KCTD16: variants seen among roughly 807,000 people sequenced by gnomAD.
KCTD16 encodes the protein potassium channel tetramerization domain containing 16, also known as BTB/POZ domain-containing protein KCTD16.
A neutral mutation model predicts 33.2 loss-of-function variants in KCTD16; 13 were observed. The observed-to-expected ratio is 0.39, with a 90% CI of 0.25 to 0.62. The LOEUF is 0.62. Among genes scored for constraint, KCTD16 ranks in the 20% least tolerant of loss-of-function variants. The pLI, the probability that KCTD16 is intolerant of heterozygous loss-of-function variation, is 0.50. For missense variants in KCTD16, 441 were observed against 525.1 expected, an observed-to-expected ratio of 0.84 and a Z score of 1.57; for synonymous variants, 197 against 195.3, an observed-to-expected ratio of 1.01 and a Z score of -0.07.
intron 1 of KCTD16, among the ~76,000 whole-genome samples, chr5:144,173,901 A>ATTT (rs58804094): frequency 0.012 from 1,691 of 140,828 alleles, 46 homozygotes; most frequent in East Asian, 0.083. Flanking sequence ...TTCTTTTTGG[A>ATTT]TTTTTTTTTT....
At chr5:144,297,325 A>G (rs1756066990) in intron 3 of KCTD16, among the ~76,000 whole-genome samples, 1 of 152,248 alleles carries the variant, frequency 6.6e-6, no homozygotes, top group Admixed American at 6.5e-5. Context: ...AATACAGCCA[A>G]AACAGCTTTA....
chr5:144,266,288 G>A (rs1755140006), intron 3 of KCTD16, among the ~76,000 whole-genome samples: 1 of 152,130 alleles, frequency 6.6e-6, no homozygotes, highest in Admixed American at 6.5e-5. Context: ...AAAAAACTGA[G>A]AGAGACACCT....
intron 3 of KCTD16, among the ~76,000 whole-genome samples, chr5:144,337,920 T>A (rs1752531578): frequency 6.6e-6 from 1 of 152,152 alleles, no homozygotes; most frequent in Non-Finnish European, 1.5e-5. Context: ...AATGATAATA[T>A]CCACCCTTTA....
chr5:144,401,008 A>G (rs1752690773), intron 3 of KCTD16, among the ~76,000 whole-genome samples: 1 of 152,122 alleles, frequency 6.6e-6, no homozygotes. Flanking sequence ...GTAGCGGGCC[A>G]AAGTTTGGAA....
At position 144,415,590 on chromosome 5, in the gene KCTD16, A is replaced by G. The variant is rs1478621781; in HGVS notation, c.833-58070A>G. Among the ~76,000 whole-genome samples, 7 of 152,294 alleles carry G rather than the reference A, an allele frequency of 4.6e-5. No homozygotes were observed. In the East Asian group the frequency reaches 9.6e-4, roughly 21 times the overall value. On this transcript the variant is annotated intron_variant, in intron 3 of 3. Transcript: ENST00000512467. ...TATCCATAGAAAAAAGACCCAAAAC[A>G]AGCTTTGAGGAATTGTACAAAAAAT...
At chr5:144,222,790 G>T (rs1478895712) in intron 3 of KCTD16, among the ~76,000 whole-genome samples, 1 of 152,142 alleles carries the variant, frequency 6.6e-6, no homozygotes, top group Admixed American at 6.5e-5. Flanking sequence ...TCCCATTACT[G>T]GGTATATACC....
intron 3 of KCTD16, among the ~76,000 whole-genome samples, chr5:144,391,141 A>G (rs942655893): frequency 6.6e-5 from 10 of 152,176 alleles, no homozygotes; most frequent in African/African-American, 2.4e-4. Flanking sequence ...GGCATATTGC[A>G]TCATGCACAG....
chr5:144,279,626 G>A (rs998958242), intron 3 of KCTD16, among the ~76,000 whole-genome samples: 1 of 152,232 alleles, frequency 6.6e-6, no homozygotes, highest in African/African-American at 2.4e-5. Flanking sequence ...TCTTGTGGAA[G>A]ATGGTGGAAG....
chr5:144,321,259 A>G (rs1012147420), intron 3 of KCTD16, among the ~76,000 whole-genome samples: 6 of 152,198 alleles, frequency 3.9e-5, no homozygotes, highest in African/African-American at 1.2e-4. Context: ...CTTGTTTTCT[A>G]GAATTTCTCA....
intron 3 of KCTD16, among the ~76,000 whole-genome samples, chr5:144,323,109 G>A (rs1752117326): frequency 6.6e-6 from 1 of 152,106 alleles, no homozygotes; most frequent in Non-Finnish European, 1.5e-5. Flanking sequence ...TATTATGATA[G>A]AACTGCAAAT....
chr5:144,321,445 C>T (rs556491599), intron 3 of KCTD16, among the ~76,000 whole-genome samples: 3 of 152,132 alleles, frequency 2.0e-5, no homozygotes, highest in African/African-American at 7.2e-5. Flanking sequence ...TCAATCCCTT[C>T]GTAGTACATA....
chr5:144,377,790 G>C (rs986975823), intron 3 of KCTD16: 1 of 152,168 alleles, frequency 6.6e-6, no homozygotes, highest in South Asian at 2.1e-4. Context: ...ATGGAAAAGA[G>C]AGCAGTGATA....
At chr5:144,271,424 A>G (rs1283094666) in intron 3 of KCTD16, among the ~76,000 whole-genome samples, 2 of 152,124 alleles carry the variant, frequency 1.3e-5, no homozygotes, top group African/African-American at 4.8e-5. Context: ...CTCAATGCAG[A>G]AAAATTATTT....
rs376172317 is a variant in KCTD16, at chr5:144,442,275, A to G, written c.833-31385A>G. On this transcript the variant is annotated intron_variant, in intron 3 of 3. Coordinates refer to ENST00000512467, the MANE Select transcript of KCTD16 (RefSeq NM_020768.4). ...GATGTGTCTGAGTGAAGCTTTGGAC[A>G]TGCTTTGATTCTGTCCTAAATCTTT... Among the ~76,000 whole-genome samples, 14 of 152,192 alleles carry G rather than the reference A, an allele frequency of 9.2e-5. No homozygotes were observed. The East Asian group carries it at 1.4e-3, about 15-fold the overall frequency.
intron 3 of KCTD16, among the ~76,000 whole-genome samples, chr5:144,387,969 C>A (rs979708820): frequency 6.8e-6 from 1 of 147,346 alleles, no homozygotes; most frequent in Non-Finnish European, 1.5e-5. Flanking sequence ...CTACTGATTT[C>A]ATTAATTTTT....
chr5:144,275,275 C>T (rs1368157449), intron 3 of KCTD16, among the ~76,000 whole-genome samples: 2 of 152,180 alleles, frequency 1.3e-5, no homozygotes, highest in Non-Finnish European at 2.9e-5. Flanking sequence ...AACGATCCCA[C>T]CTCCCATCTG....
intron 3 of KCTD16, among the ~76,000 whole-genome samples, chr5:144,277,966 C>T (rs1038186281): frequency 2.0e-5 from 3 of 151,968 alleles, no homozygotes; most frequent in African/African-American, 4.8e-5. Context: ...CTATTTTCTC[C>T]CAACATGTAG....
intron 3 of KCTD16, chr5:144,383,151 A>G (rs1752251847): frequency 6.6e-6 from 1 of 152,182 alleles, no homozygotes; most frequent in Admixed American, 6.5e-5. Flanking sequence ...AAGTTTGAAA[A>G]GAGCAGAAGA....
chr5:144,270,022 A>G (rs577680043), intron 3 of KCTD16, among the ~76,000 whole-genome samples: 2 of 152,198 alleles, frequency 1.3e-5, no homozygotes, highest in Non-Finnish European at 2.9e-5. Context: ...TAAACATTTC[A>G]GTATTAAGGA....
Sources: allele counts gnomAD v4.1 joint callset (sites outside exome capture counted in the v4.1 genomes callset), GRCh38; gene constraint gnomAD v4.1.1; transcripts MANE v1.5; gene names NCBI Gene and HGNC (gene_info 2026-07-23, HGNC 2026-07-21).